GRIA3: variants seen among roughly 807,000 people sequenced by gnomAD.
GRIA3 encodes the protein glutamate ionotropic receptor AMPA type subunit 3.
A neutral mutation model predicts 63.0 loss-of-function variants in GRIA3; 3 were observed. The ratio of observed to expected loss-of-function variants is 0.05; its 90% CI spans 0.02 to 0.12. GRIA3 has a LOEUF of 0.12. Ranked by LOEUF, GRIA3 falls within the 10% of genes least tolerant of loss-of-function variation. GRIA3 has a pLI of 1.00. For missense variants in GRIA3, 347 were observed against 700.9 expected (o/e 0.50, Z 5.70); for synonymous variants, 274 against 257.9 (o/e 1.06, Z -0.60).
intron 3 of GRIA3, among the ~76,000 whole-genome samples, chrX:123,263,593 G>A (rs1041827698): frequency 1.8e-5 from 2 of 111,953 alleles, no homozygotes; most frequent in African/African-American, 3.2e-5. Context: ...TTGGCTAGGC[G>A]CTGATTCCAT....
At chrX:123,266,695 C>T (rs1179621019) in intron 3 of GRIA3, among the ~76,000 whole-genome samples, 1 of 111,414 alleles carries the variant, frequency 9.0e-6, no homozygotes, top group African/African-American at 3.3e-5. Context: ...CATGATCCAA[C>T]AAAACTCCAA....
At chrX:123,290,692 A>T (rs189054985) in intron 3 of GRIA3, among the ~76,000 whole-genome samples, 1 of 110,683 alleles carries the variant, frequency 9.0e-6, no homozygotes, top group Admixed American at 9.7e-5. Flanking sequence ...CAATTTATAT[A>T]GCACAATAAC....
At chrX:123,205,918 TCTTATTGTTTGC>T (rs1283184282) in intron 2 of GRIA3, among the ~76,000 whole-genome samples, 1 of 111,546 alleles carries the variant, frequency 9.0e-6, no homozygotes, top group Non-Finnish European at 1.9e-5. Context: ...CACACTACCC[TCTTATTGTTTGC>T]ACCCCAGACA....
chrX:123,463,801 G>T (rs1043672805), intron 12 of GRIA3, among the ~76,000 whole-genome samples: 3 of 106,110 alleles, frequency 2.8e-5, no homozygotes, highest in Non-Finnish European at 5.8e-5. Flanking sequence ...AAAGAAAGAA[G>T]AAAGAGAGAG....
At chrX:123,464,343 T>C (rs2045823484) in intron 12 of GRIA3, among the ~76,000 whole-genome samples, 1 of 111,462 alleles carries the variant, frequency 9.0e-6, no homozygotes. Flanking sequence ...TAAAAAGGAA[T>C]GGGAGTTATA....
At chrX:123,255,461 G>A (rs1434697887) in intron 3 of GRIA3, among the ~76,000 whole-genome samples, 1 of 110,175 alleles carries the variant, frequency 9.1e-6, no homozygotes, top group Non-Finnish European at 1.9e-5. Context: ...TATCAATTTC[G>A]TTTTCAGAAC....
rs112547923 is a variant in GRIA3, at chrX:123,391,231, T to C, written c.751-3737T>C. 3.3e-3 allele frequency among the ~76,000 whole-genome samples: 371 copies of C among 111,712 alleles called. 2 individuals are homozygous for C. Among genetic ancestry groups the C allele is most frequent in the African/African-American group, 0.011 (346 of 30,736 alleles). ...TTTTTACTTTTTCGTACTTTTTGTG[T>C]CCTTGCATTGATATCTGCACATTTG... On this transcript the variant is annotated intron_variant, in intron 5 of 15. Transcript: ENST00000620443.
chrX:123,385,987 T>C (rs1192279239), intron 5 of GRIA3, among the ~76,000 whole-genome samples: 1 of 112,181 alleles, frequency 8.9e-6, no homozygotes, highest in African/African-American at 3.2e-5. Context: ...GTTCTATTTT[T>C]AGTTTTTTCA....
chrX:123,417,327 T>C lies in GRIA3; in HGVS notation c.1501-75T>C, dbSNP rs947100307. The C allele has an allele frequency of 5.8e-6, 5 of 857,306 alleles. No individual in the cohort carries two copies. The African/African-American group carries it at 6.0e-5, about 10-fold the overall frequency. The allele number at this position is 857,306 out of a possible 1,213,427, so 70.7% of individuals were successfully genotyped here. ...ACTTGATATTTTCACCAAAGAAGTA[T>C]ATTAAGCGACAAATAACTGATTAAA... On this transcript the variant is annotated intron_variant, in intron 10 of 15. Coordinates refer to ENST00000620443, the MANE Select transcript of GRIA3 (RefSeq NM_007325.5).
chrX:123,464,720 C>T (rs2045825567), intron 12 of GRIA3, 145 bp from the exon 13 acceptor site: 3 of 493,056 alleles, frequency 6.1e-6, no homozygotes, highest in Non-Finnish European at 7.0e-6. Flanking sequence ...ACAATGTTTA[C>T]GTATGTATGA....
Position 123,358,973 on chromosome X carries a change from G to T in GRIA3, c.750+4010G>T, listed in dbSNP as rs767357652. On this transcript the variant is annotated intron_variant, in intron 5 of 15. Transcript: ENST00000620443. ...AGGCAGTGTGGTATAATAATAATAA[G>T]AAGAAAAAAAAGCACGAGGCTAGGA... is the stretch of plus-strand genomic sequence containing the variant. 1.0e-3 allele frequency among the ~76,000 whole-genome samples: 115 copies of T among 110,985 alleles called. 1 individual carries two copies. Among genetic ancestry groups the T allele is most frequent in the African/African-American group, 3.3e-3 (101 of 30,595 alleles).
chrX:123,185,508 AGG>A (rs3216834), intron 1 of GRIA3, among the ~76,000 whole-genome samples: 6 of 40,980 alleles, frequency 1.5e-4, no homozygotes, highest in African/African-American at 2.9e-4. Flanking sequence ...CGGGGGGCGG[AGG>A]GGGGGGGCGA....
At chrX:123,360,511 T>A (rs1242283940) in intron 5 of GRIA3, among the ~76,000 whole-genome samples, 2 of 70,519 alleles carry the variant, frequency 2.8e-5, no homozygotes, top group Non-Finnish European at 5.2e-5. Flanking sequence ...TGAAACCCTG[T>A]CTCTACTTAA....
At chrX:123,280,765 C>T (rs1217915373) in intron 3 of GRIA3, among the ~76,000 whole-genome samples, 1 of 111,749 alleles carries the variant, frequency 8.9e-6, no homozygotes, top group East Asian at 2.8e-4. Flanking sequence ...GTGAAATTTC[C>T]AATGTGAGAG....
intron 2 of GRIA3, among the ~76,000 whole-genome samples, chrX:123,215,018 T>C (rs1443275714): frequency 3.6e-5 from 4 of 112,026 alleles, no homozygotes; most frequent in Non-Finnish European, 7.5e-5. Flanking sequence ...TTGTTATAGC[T>C]ACACTGGCAA....
chrX:123,377,782 C>G (rs2045296565), intron 5 of GRIA3, among the ~76,000 whole-genome samples: 1 of 111,765 alleles, frequency 8.9e-6, no homozygotes, highest in African/African-American at 3.3e-5. Context: ...CTTATACACT[C>G]TGGTTGTTGT....
intron 6 of GRIA3, among the ~76,000 whole-genome samples, chrX:123,397,059 T>G (rs1030414879): frequency 8.0e-5 from 9 of 112,019 alleles, no homozygotes; most frequent in Non-Finnish European, 1.5e-4. Context: ...TGCAGAGCCA[T>G]ACAAAAGAGA....
chrX:123,210,687 T>C lies in GRIA3; in HGVS notation c.268+24697T>C, dbSNP rs58757770. The stretch of plus-strand genomic sequence containing the variant: ...ATCATGTTTTTAATGTTGAAGGTTT[T>C]GTAGCTATTCCAGTCGACTTTAGTG... On this transcript the variant is annotated intron_variant, in intron 2 of 15. Coordinates refer to ENST00000620443, the MANE Select transcript of GRIA3 (RefSeq NM_007325.5). 2.0e-3 allele frequency among the ~76,000 whole-genome samples: 220 copies of C among 111,996 alleles called. 1 individual carries two copies. Among genetic ancestry groups the C allele is most frequent in the African/African-American group, 6.6e-3 (204 of 30,929 alleles).
At chrX:123,406,092 T>C (rs2045472373) in intron 10 of GRIA3, among the ~76,000 whole-genome samples, 1 of 112,452 alleles carries the variant, frequency 8.9e-6, no homozygotes, top group African/African-American at 3.2e-5. Flanking sequence ...GTTCACTTAG[T>C]ATTAAATGGT....
Sources: allele counts gnomAD v4.1 joint callset (sites outside exome capture counted in the v4.1 genomes callset), GRCh38; gene constraint gnomAD v4.1.1; transcripts MANE v1.5; gene names NCBI Gene and HGNC (gene_info 2026-07-23, HGNC 2026-07-21).